Variants in SMG6 observed in about 807,000 individuals in gnomAD.
SMG6 encodes the protein telomerase-binding protein EST1A.
Under a neutral mutation model 142.2 loss-of-function variants are expected in SMG6, and 66 were observed. That is an observed-to-expected ratio of 0.46 (90% confidence interval 0.38 to 0.57). The LOEUF (loss-of-function observed/expected upper bound fraction) is 0.57, where lower values mean the gene tolerates loss of function less well. SMG6 is among the 20% of genes least tolerant of loss of function. SMG6 has a pLI of 0.00. For missense variants in SMG6, 1,793 were observed against 1,832.0 expected, an observed-to-expected ratio of 0.98 and a Z score of 0.39; for synonymous variants, 779 against 702.4, an observed-to-expected ratio of 1.11 and a Z score of -1.72.
chr17:2,077,075 T>C (rs2151419307), intron 15 of SMG6, among the ~76,000 whole-genome samples: 1 of 152,356 alleles, frequency 6.6e-6, no homozygotes, highest in East Asian at 1.9e-4. Context: ...CATCCTGGAC[T>C]TGCGTTTTGT....
chr17:2,301,787 C>G (rs1489505403), intron 1 of SMG6, among the ~76,000 whole-genome samples: 2 of 152,272 alleles, frequency 1.3e-5, no homozygotes, highest in East Asian at 3.9e-4. Context: ...GCTTGCAGTA[C>G]GCGGAGATCG....
At chr17:2,117,903 A>AT (rs1451045606) in intron 13 of SMG6, 1 of 152,188 alleles carries the variant, frequency 6.6e-6, no homozygotes, top group Admixed American at 6.5e-5. Flanking sequence ...CTTGATATCC[A>AT]TATGGGGGGA....
rs942909114 is a variant in SMG6 at position 2,165,731 on chromosome 17, G to C, written c.3357+6927C>G. Among the ~76,000 whole-genome samples the C allele has an allele frequency of 7.2e-5, 11 of 152,220 alleles. No individual in the cohort carries two copies. The East Asian group carries it at 2.1e-3, about 29-fold the overall frequency. On this transcript the variant is annotated intron_variant, in intron 13 of 18. Coordinates refer to ENST00000263073, the MANE Select transcript of SMG6 (RefSeq NM_017575.5). ...ATCCTGGGCAACACAGGGAGGCCTT[G>C]CCTCTAATAAAAAAGTAAAAATAAT...
intron 8 of SMG6, among the ~76,000 whole-genome samples, chr17:2,251,998 G>A (rs571610863): frequency 1.3e-5 from 2 of 152,336 alleles, no homozygotes; most frequent in African/African-American, 2.4e-5. Context: ...CTACACTGGA[G>A]GCTGAGGCAG....
At chr17:2,291,102 C>T (rs1203154504) in intron 6 of SMG6, among the ~76,000 whole-genome samples, 11 of 152,178 alleles carry the variant, frequency 7.2e-5, no homozygotes, top group South Asian at 4.1e-4. Context: ...GAGGCCGAGG[C>T]GGGCGGATCA....
At position 2,130,061 on chromosome 17, in the gene SMG6, C is replaced by T. The variant is rs538918869; in HGVS notation, c.3357+42597G>A. ...GATCACGAGGTCAGGAGATCAAGAC[C>T]ATCCTGGCTAACATGGTGAAATCCC... On this transcript the variant is annotated intron_variant, in intron 13 of 18. Transcript: ENST00000263073. 3.3e-5 allele frequency among the ~76,000 whole-genome samples: 5 copies of T among 151,032 alleles called. No homozygotes were observed. In the East Asian group the frequency reaches 9.7e-4, roughly 29 times the overall value.
At position 2,300,330 on chromosome 17, in the gene SMG6, G is replaced by C. The variant is rs928475474; in HGVS notation, c.423C>G (p.Pro141=). ...GTCCAGGCTGATAGATCTGCAGGTC[G>C]GGTTTCTTTGTTCTTTTGATAATTT... is the stretch of plus-strand genomic sequence containing the variant. ...SLKIIKRTKK[P]DLQIYQPGRR... Residue 141 remains proline (P), a synonymous_variant, in exon 2 of 19, where the codon CCC becomes CCG. Coordinates refer to ENST00000263073, the MANE Select transcript of SMG6 (RefSeq NM_017575.5). 1 of 1,613,848 alleles carries C rather than the reference G, an allele frequency of 6.2e-7. No homozygotes were observed. The highest frequency in any genetic ancestry group is 2.2e-5 in the East Asian group (1 of 44,882).
At chr17:2,250,170 C>G (rs775908739) in intron 8 of SMG6, among the ~76,000 whole-genome samples, 37 of 152,072 alleles carry the variant, frequency 2.4e-4, no homozygotes, top group Non-Finnish European at 4.0e-4. Context: ...GGCAACAACG[C>G]AAGAGGAGGG....
intron 10 of SMG6, among the ~76,000 whole-genome samples, chr17:2,203,774 C>T (rs2072599919): frequency 6.6e-6 from 1 of 152,074 alleles, no homozygotes; most frequent in South Asian, 2.1e-4. Flanking sequence ...CAGACACACA[C>T]CTTGAAACCC....
chr17:2,108,526 G>A (rs368742691), intron 13 of SMG6, among the ~76,000 whole-genome samples: 7 of 152,268 alleles, frequency 4.6e-5, no homozygotes, highest in Admixed American at 2.0e-4. Flanking sequence ...AGCTACCCAG[G>A]AGGCTGAGGC....
intron 9 of SMG6, among the ~76,000 whole-genome samples, chr17:2,242,779 C>T (rs537902962): frequency 1.3e-5 from 2 of 150,068 alleles, no homozygotes; most frequent in Non-Finnish European, 3.0e-5. Flanking sequence ...ATGGTATTTC[C>T]TACTCGGATG....
intron 8 of SMG6, among the ~76,000 whole-genome samples, chr17:2,249,628 T>G (rs751371266): frequency 3.3e-5 from 5 of 152,098 alleles, no homozygotes; most frequent in Non-Finnish European, 5.9e-5. Context: ...CTGGCAGACT[T>G]TTTTCATTTT....
At chr17:2,218,321 G>C (rs1408783238) in intron 10 of SMG6, among the ~76,000 whole-genome samples, 1 of 152,124 alleles carries the variant, frequency 6.6e-6, no homozygotes, top group Non-Finnish European at 1.5e-5. Flanking sequence ...AGGCTGAGGT[G>C]GGCAGATCAC....
intron 13 of SMG6, among the ~76,000 whole-genome samples, chr17:2,145,478 A>G (rs2070637084): frequency 1.3e-5 from 2 of 151,684 alleles, no homozygotes; most frequent in Admixed American, 1.3e-4. Context: ...ATCCTACCAT[A>G]CAACTAAAAA....
intron 8 of SMG6, chr17:2,266,005 G>T: frequency 1.0e-6 from 1 of 985,276 alleles, no homozygotes; most frequent in Non-Finnish European, 1.2e-6. Flanking sequence ...AGGTGCTTTA[G>T]GTTTTCTTCT....
At chr17:2,096,328 C>T (rs1463694024) in intron 13 of SMG6, among the ~76,000 whole-genome samples, 1 of 152,188 alleles carries the variant, frequency 6.6e-6, no homozygotes, top group Non-Finnish European at 1.5e-5. Context: ...GTGCCTCAGC[C>T]TCCTGAGTAG....
chr17:2,283,808 G>A, intron 6 of SMG6, 73 bp from the exon 7 acceptor site: 1 of 1,149,636 alleles, frequency 8.7e-7, no homozygotes, highest in South Asian at 1.3e-5. Context: ...GCTGACTCAG[G>A]AAACCCTACT....
chr17:2,192,027 C>T (rs927076361), intron 10 of SMG6, among the ~76,000 whole-genome samples: 1 of 152,222 alleles, frequency 6.6e-6, no homozygotes, highest in African/African-American at 2.4e-5. Context: ...GTGATAAACA[C>T]GTCCCCTCTC....
chr17:2,233,725 A>AAGCAC (rs975759341), intron 10 of SMG6: 6 of 137,748 alleles, frequency 4.4e-5, no homozygotes, highest in East Asian at 2.3e-4. Flanking sequence ...CTGTCCAGGC[A>AAGCAC]AGCACAGCAC....
Sources: gnomAD v4.1 joint callset for allele counts (sites outside exome capture counted in the v4.1 genomes callset) on GRCh38, gnomAD v4.1.1 for gene constraint, MANE v1.5 for transcripts, NCBI Gene and HGNC (gene_info 2026-07-23, HGNC 2026-07-21) for gene names.